Variants in AHCTF1 observed in about 807,000 individuals in gnomAD.
The protein encoded by AHCTF1 is protein ELYS.
In AHCTF1, 24 loss-of-function variants were observed where a neutral mutation model predicts 248.4. The observed-to-expected ratio is 0.10, with a 90% CI of 0.07 to 0.14. AHCTF1 has a LOEUF of 0.14. AHCTF1 is among the 10% of genes least tolerant of loss of function. The pLI, the probability that AHCTF1 is intolerant of heterozygous loss-of-function variation, is 1.00. For synonymous variants in AHCTF1, 786 were observed against 929.8 expected, an observed-to-expected ratio of 0.85 and a Z score of 2.81; for missense variants, 2,206 against 2,636.2, an observed-to-expected ratio of 0.84 and a Z score of 3.57.
chr1:246,921,601 T>C (rs916090075), intron 1 of AHCTF1, among the ~76,000 whole-genome samples: 1 of 152,102 alleles, frequency 6.6e-6, no homozygotes, highest in Non-Finnish European at 1.5e-5. Flanking sequence ...GAAGAAGCAA[T>C]ATATTTCCCA....
chr1:246,915,965 T>C (rs1407176514), intron 3 of AHCTF1, among the ~76,000 whole-genome samples, 177 bp downstream of exon 3: 2 of 152,204 alleles, frequency 1.3e-5, no homozygotes, highest in African/African-American at 4.8e-5. Flanking sequence ...GAATAACATA[T>C]CATCTTTAAC....
intron 21 of AHCTF1, among the ~76,000 whole-genome samples, chr1:246,881,243 G>T (rs557120961): frequency 3.9e-5 from 6 of 152,044 alleles, no homozygotes; most frequent in Non-Finnish European, 2.9e-5. Flanking sequence ...AATTTTAAAA[G>T]TCATTTTAAA....
chr1:246,923,397 A>C (rs1666713938), intron 1 of AHCTF1, among the ~76,000 whole-genome samples: 1 of 152,212 alleles, frequency 6.6e-6, no homozygotes. Flanking sequence ...CCTAGGTGAC[A>C]GCAAGACTCT....
intron 21 of AHCTF1, among the ~76,000 whole-genome samples, chr1:246,878,734 T>C (rs1473647378): frequency 6.6e-6 from 1 of 152,132 alleles, no homozygotes; most frequent in Non-Finnish European, 1.5e-5. Context: ...GGGAAGCAAA[T>C]GGTACCCACT....
At chr1:246,856,145 T>C (rs1661096430) in intron 30 of AHCTF1, among the ~76,000 whole-genome samples, 1 of 152,228 alleles carries the variant, frequency 6.6e-6, no homozygotes, top group Non-Finnish European at 1.5e-5. Flanking sequence ...CTGTGGCCAG[T>C]CTTCAAATAA....
At chr1:246,844,617 G>A (rs1244799832) in intron 33 of AHCTF1, among the ~76,000 whole-genome samples, 1 of 152,146 alleles carries the variant, frequency 6.6e-6, no homozygotes, top group Admixed American at 6.5e-5. Flanking sequence ...TCAGCTACGT[G>A]GGAGGCTGAG....
At position 246,867,753 on chromosome 1, in the gene AHCTF1, C is replaced by T. The variant is rs1420198472; in HGVS notation, c.3147G>A (p.Leu1049=). 6.2e-7 allele frequency: 1 copy of T among 1,612,466 alleles called. No individual in the cohort carries two copies. Among genetic ancestry groups the T allele is most frequent in the Non-Finnish European group, 8.5e-7 (1 of 1,179,134 alleles). Residue 1049 remains leucine, a synonymous_variant, in exon 25 of 36, where the codon TTG becomes TTA. Coordinates refer to ENST00000648844, the MANE Select transcript of AHCTF1 (RefSeq NM_001323342.2). The part of the protein sequence containing the change: ...VPKQVVTGTV[L]TRSVFINNVL... ...CATTGTTGATGAAAACAGATCTTGT[C>T]AACACAGTTCCTGTTACAACTTGCT...
intron 1 of AHCTF1, among the ~76,000 whole-genome samples, chr1:246,922,785 A>G (rs1202623523): frequency 2.0e-5 from 3 of 151,120 alleles, no homozygotes; most frequent in Non-Finnish European, 3.0e-5. Context: ...GATCGAGACC[A>G]TCCTGGATAA....
At chr1:246,883,632 C>A (rs567927540) in intron 21 of AHCTF1, among the ~76,000 whole-genome samples, 2 of 152,186 alleles carry the variant, frequency 1.3e-5, no homozygotes, top group Admixed American at 6.5e-5. Flanking sequence ...TTCTAGCAAC[C>A]CTGAAGTCAT....
chr1:246,891,985 C>T (rs536637019), intron 14 of AHCTF1, 66 bp from the exon 15 acceptor site: 5 of 1,459,448 alleles, frequency 3.4e-6, no homozygotes, highest in South Asian at 1.3e-5. Context: ...AATCACAATG[C>T]AAAATTTCTC....
chr1:246,855,793 A>G lies in AHCTF1; in HGVS notation c.4291T>C (p.Leu1431=), dbSNP rs555113444. 9.3e-6 allele frequency: 15 copies of G among 1,613,484 alleles called. No individual in the cohort carries two copies. The South Asian group carries it at 1.5e-4, about 17-fold the overall frequency. Residue 1431 remains leucine (L), a synonymous_variant, in exon 31 of 36, where the codon TTG becomes CTG. Transcript: ENST00000648844. ...IFTQKSKVPV[L]DEGLTSVETY... The stretch of plus-strand genomic sequence containing the variant: ...TCAACAGATGTTAATCCTTCGTCCA[A>G]CACTGGTACCTTGGACTTCTGGGTG...
At chr1:246,843,211 G>A (rs1196733892) in intron 34 of AHCTF1, among the ~76,000 whole-genome samples, 1 of 152,174 alleles carries the variant, frequency 6.6e-6, no homozygotes, top group Non-Finnish European at 1.5e-5. Flanking sequence ...GAGCCTTTGC[G>A]TCTGCCATTT....
At chr1:246,929,135 G>A (rs1273795967) in intron 1 of AHCTF1, among the ~76,000 whole-genome samples, 5 of 152,194 alleles carry the variant, frequency 3.3e-5, no homozygotes, top group Non-Finnish European at 7.3e-5. Context: ...TGGGCTGGGT[G>A]CGGTGGTTCA....
At chr1:246,931,210 C>T in intron 1 of AHCTF1, 1 of 1,550,280 alleles carries the variant, frequency 6.5e-7, no homozygotes, top group Non-Finnish European at 8.7e-7. Flanking sequence ...CGGGGAAAGG[C>T]CCGCCAACGA....
rs543849781 is a variant in AHCTF1, at chr1:246,852,935, G to T, written c.4563+156C>A. ...GGATGTGTTTTTATATTCCACAAAA[G>T]ATTTATACACTTATTTTTTGAACCC... On this transcript the variant is annotated intron_variant, in intron 32 of 35. Coordinates refer to ENST00000648844, the MANE Select transcript of AHCTF1 (RefSeq NM_001323342.2). 4.6e-5 allele frequency among the ~76,000 whole-genome samples: 7 copies of T among 152,150 alleles called. No individual in the cohort carries two copies. In the South Asian group the frequency reaches 1.0e-3, roughly 23 times the overall value.
chr1:246,846,067 A>C (rs1188961261), intron 33 of AHCTF1, among the ~76,000 whole-genome samples: 1 of 149,840 alleles, frequency 6.7e-6, no homozygotes, highest in Non-Finnish European at 1.5e-5. Flanking sequence ...ACTGGGTTGA[A>C]GTGGGAATCA....
intron 1 of AHCTF1, among the ~76,000 whole-genome samples, chr1:246,921,232 A>C (rs1666528473): frequency 6.6e-6 from 1 of 152,198 alleles, no homozygotes; most frequent in Non-Finnish European, 1.5e-5. Flanking sequence ...GAAAAAAACA[A>C]AGAAAAAATA....
At chr1:246,878,668 A>G (rs1013336585) in intron 21 of AHCTF1, among the ~76,000 whole-genome samples, 2 of 152,206 alleles carry the variant, frequency 1.3e-5, no homozygotes, top group African/African-American at 4.8e-5. Flanking sequence ...CCAAGGCAGA[A>G]TAAAAAATGG....
chr1:246,929,275 G>A (rs1208297395), intron 1 of AHCTF1, among the ~76,000 whole-genome samples: 1 of 152,130 alleles, frequency 6.6e-6, no homozygotes, highest in Non-Finnish European at 1.5e-5. Context: ...CGAGTGTGGC[G>A]GCGCGTTCCT....
Sources: gnomAD v4.1 joint callset for allele counts (sites outside exome capture counted in the v4.1 genomes callset) on GRCh38, gnomAD v4.1.1 for gene constraint, MANE v1.5 for transcripts, NCBI Gene and HGNC (gene_info 2026-07-23, HGNC 2026-07-21) for gene names.